PTPRG: variants seen among roughly 807,000 people sequenced by gnomAD.
PTPRG encodes the protein protein tyrosine phosphatase receptor type G, also known as receptor-type tyrosine-protein phosphatase gamma.
A neutral mutation model predicts 165.3 loss-of-function variants in PTPRG; 102 were observed. That is an observed-to-expected ratio of 0.62 (90% CI 0.53 to 0.73). The LOEUF (loss-of-function observed/expected upper bound fraction) is 0.73, where lower values mean the gene tolerates loss of function less well. PTPRG is among the 30% of genes least tolerant of loss of function. The pLI is 0.00. For missense variants in PTPRG, 1,866 were observed against 1,861.4 expected, an observed-to-expected ratio of 1.00 and a Z score of -0.05; for synonymous variants, 675 against 669.5, an observed-to-expected ratio of 1.01 and a Z score of -0.13.
At chr3:61,903,449 C>T (rs2038551989) in intron 2 of PTPRG, among the ~76,000 whole-genome samples, 1 of 152,218 alleles carries the variant, frequency 6.6e-6, no homozygotes, top group Admixed American at 6.5e-5. Flanking sequence ...TCTCGGCTCA[C>T]TGCAACCTCC....
rs549005812 is a variant in PTPRG, at chr3:62,184,873, G to A, written c.1034-6596G>A. ...TGATCAATATTTGGCCAGTTGCGTCGGGTGTGAAACTCCGAGGGGGCAGGT... is the reference window on the plus strand; with the variant it reads ...TGATCAATATTTGGCCAGTTGCGTCAGGTGTGAAACTCCGAGGGGGCAGGT... On this transcript the variant is annotated intron_variant, in intron 8 of 29. Coordinates refer to ENST00000474889, the MANE Select transcript of PTPRG (RefSeq NM_002841.4). 2.6e-3 allele frequency among the ~76,000 whole-genome samples: 403 copies of A among 152,210 alleles called. 1 individual carries two copies. Among genetic ancestry groups the A allele is most frequent in the African/African-American group, 9.4e-3 (388 of 41,490 alleles).
chr3:61,694,136 A>T (rs1407405922), intron 1 of PTPRG, among the ~76,000 whole-genome samples: 1 of 152,144 alleles, frequency 6.6e-6, no homozygotes, highest in Non-Finnish European at 1.5e-5. Flanking sequence ...TTTCAGAGAC[A>T]GGGAACAGCA....
chr3:61,931,978 C>T (rs181427397), intron 2 of PTPRG, among the ~76,000 whole-genome samples: 56 of 152,200 alleles, frequency 3.7e-4, no homozygotes, highest in Non-Finnish European at 6.0e-4. Context: ...AATGGTCAAC[C>T]TTTATTGTAC....
chr3:61,577,445 C>CTTACTACA (rs1575513335), intron 1 of PTPRG, among the ~76,000 whole-genome samples: 2 of 152,258 alleles, frequency 1.3e-5, no homozygotes, highest in East Asian at 3.9e-4. Flanking sequence ...TCAAGTATGG[C>CTTACTACA]ATGTCTAAAT....
At chr3:61,933,018 C>G (rs532519931) in intron 2 of PTPRG, among the ~76,000 whole-genome samples, 1 of 152,272 alleles carries the variant, frequency 6.6e-6, no homozygotes, top group African/African-American at 2.4e-5. Flanking sequence ...ACCCATATGG[C>G]TGAGAATTTG....
chr3:62,047,261 A>G (rs900017697), intron 4 of PTPRG, among the ~76,000 whole-genome samples: 4 of 134,580 alleles, frequency 3.0e-5, no homozygotes, highest in African/African-American at 1.1e-4. Context: ...TTATTTATTT[A>G]TTTATTTATT....
chr3:61,789,658 T>C (rs778840238), intron 2 of PTPRG, among the ~76,000 whole-genome samples: 3 of 152,254 alleles, frequency 2.0e-5, no homozygotes, highest in East Asian at 3.8e-4. Flanking sequence ...TGACCTGATA[T>C]ATCTAAAGAT....
intron 2 of PTPRG, among the ~76,000 whole-genome samples, chr3:61,862,799 C>T (rs2037307635): frequency 6.6e-6 from 1 of 151,868 alleles, no homozygotes. Flanking sequence ...GGAGTTCTCT[C>T]TTGTTTTCTT....
chr3:61,954,670 C>T (rs1478563636), intron 2 of PTPRG, among the ~76,000 whole-genome samples: 1 of 152,176 alleles, frequency 6.6e-6, no homozygotes, highest in Admixed American at 6.5e-5. Context: ...TTGTCAGACA[C>T]TGACACTTGT....
chr3:62,098,596 T>C (rs988671255), intron 5 of PTPRG, among the ~76,000 whole-genome samples: 1 of 152,010 alleles, frequency 6.6e-6, no homozygotes, highest in Non-Finnish European at 1.5e-5. Flanking sequence ...AGATCAGAGG[T>C]TAAGTAACTT....
chr3:61,579,759 A>G (rs542612433), intron 1 of PTPRG, among the ~76,000 whole-genome samples: 3 of 152,234 alleles, frequency 2.0e-5, no homozygotes, highest in Non-Finnish European at 2.9e-5. Context: ...TCTGAAAAGG[A>G]GAAAGGCCAG....
chr3:61,788,177 A>G (rs961986174), intron 2 of PTPRG, among the ~76,000 whole-genome samples: 2 of 152,132 alleles, frequency 1.3e-5, no homozygotes, highest in East Asian at 3.9e-4. Flanking sequence ...CGTGTGCTGC[A>G]TGGCGTCTTC....
intron 1 of PTPRG, among the ~76,000 whole-genome samples, chr3:61,746,606 T>C (rs1283528253): frequency 6.6e-6 from 1 of 152,072 alleles, no homozygotes; most frequent in Admixed American, 6.5e-5. Flanking sequence ...GCTTCCACTT[T>C]GTCTAATACC....
At chr3:61,673,867 G>A (rs377529152) in intron 1 of PTPRG, among the ~76,000 whole-genome samples, 4 of 152,136 alleles carry the variant, frequency 2.6e-5, no homozygotes, top group Non-Finnish European at 5.9e-5. Flanking sequence ...CCATAAAAAC[G>A]TGTGAGTTCA....
At chr3:62,166,919 A>G (rs930677724) in intron 7 of PTPRG, among the ~76,000 whole-genome samples, 2 of 151,924 alleles carry the variant, frequency 1.3e-5, no homozygotes, top group African/African-American at 4.8e-5. Flanking sequence ...CCTGGGTTCA[A>G]GCGATCTTCC....
At chr3:62,182,723 G>A (rs548049412) in intron 8 of PTPRG, among the ~76,000 whole-genome samples, 13 of 152,308 alleles carry the variant, frequency 8.5e-5, no homozygotes, top group African/African-American at 1.9e-4. Context: ...GCAGTGGTGC[G>A]ATCTCAGCTC....
At chr3:62,064,879 G>T (rs779237129) in intron 4 of PTPRG, among the ~76,000 whole-genome samples, 1 of 151,848 alleles carries the variant, frequency 6.6e-6, no homozygotes, top group African/African-American at 2.4e-5. Flanking sequence ...TTACAGGCGC[G>T]TGCCACCACG....
intron 6 of PTPRG, among the ~76,000 whole-genome samples, chr3:62,153,155 T>C (rs1003985574): frequency 2.6e-5 from 4 of 152,218 alleles, no homozygotes; most frequent in Non-Finnish European, 5.9e-5. Flanking sequence ...CCTAAAATAT[T>C]TACTCTTTGG....
chr3:62,269,172 A>G lies in PTPRG; in HGVS notation c.3009+3A>G. ...TCAGAAATACAAAAGTGAAAAAGGT[A>G]TGGAAGGAATTGGGTAGGCTGCCAG... On this transcript the variant is annotated splice_donor_region_variant and intron_variant, in intron 20 of 29. Coordinates refer to ENST00000474889, the MANE Select transcript of PTPRG (RefSeq NM_002841.4). 2 of 1,573,886 alleles carry G rather than the reference A, an allele frequency of 1.3e-6. No homozygotes were observed. The highest frequency in any genetic ancestry group is 1.7e-5 in the Admixed American group (1 of 59,286).
Sources: gnomAD v4.1 joint callset for allele counts (sites outside exome capture counted in the v4.1 genomes callset) on GRCh38, gnomAD v4.1.1 for gene constraint, MANE v1.5 for transcripts, NCBI Gene and HGNC (gene_info 2026-07-23, HGNC 2026-07-21) for gene names.